ZRANB3: variants seen among roughly 807,000 people sequenced by gnomAD.
ZRANB3 encodes the protein DNA annealing helicase and endonuclease ZRANB3.
ZRANB3 carries 125 observed loss-of-function variants against 133.8 expected under a neutral mutation model. The observed-to-expected ratio is 0.93, with a 90% CI of 0.81 to 1.08. The LOEUF (loss-of-function observed/expected upper bound fraction) is 1.08. Among genes scored for constraint, ZRANB3 ranks in the 50% least tolerant of loss-of-function variants. The probability of loss-of-function intolerance (pLI) is 0.00; values close to 1 mark genes in which losing one functional copy is unlikely to be tolerated. For missense variants in ZRANB3, 1,229 were observed against 1,275.5 expected (o/e 0.96, Z 0.56); for synonymous variants, 387 against 432.7 (o/e 0.89, Z 1.31).
intron 8 of ZRANB3, among the ~76,000 whole-genome samples, chr2:135,281,623 C>T (rs939115640): frequency 6.6e-6 from 1 of 152,148 alleles, no homozygotes; most frequent in African/African-American, 2.4e-5. Context: ...TGAGGGCAAG[C>T]AGTGAACTGG....
At chr2:135,237,833 CTAA>C (rs1397700857) in intron 12 of ZRANB3, among the ~76,000 whole-genome samples, 9 of 152,128 alleles carry the variant, frequency 5.9e-5, no homozygotes, top group African/African-American at 2.2e-4. Context: ...GGAGATATAC[CTAA>C]TGTTAAATGA....
At chr2:135,329,410 TG>T (rs1019626172) in intron 6 of ZRANB3, among the ~76,000 whole-genome samples, 7 of 152,200 alleles carry the variant, frequency 4.6e-5, no homozygotes, top group African/African-American at 1.4e-4. Context: ...TCTGTTCTAT[TG>T]CTCAATATAT....
At chr2:135,370,942 C>G (rs1267372927) in intron 3 of ZRANB3, among the ~76,000 whole-genome samples, 1 of 152,208 alleles carries the variant, frequency 6.6e-6, no homozygotes, top group Non-Finnish European at 1.5e-5. Context: ...CCCCTGCTTG[C>G]ACTCATTCTC....
intron 1 of ZRANB3, among the ~76,000 whole-genome samples, chr2:135,518,959 T>C (rs1693809388): frequency 6.6e-6 from 1 of 152,192 alleles, no homozygotes; most frequent in Non-Finnish European, 1.5e-5. Context: ...TTGGAGCTGA[T>C]TGTTGGACAG....
intron 2 of ZRANB3, among the ~76,000 whole-genome samples, chr2:135,481,085 G>A (rs1240991004): frequency 1.3e-5 from 2 of 152,044 alleles, no homozygotes; most frequent in Non-Finnish European, 2.9e-5. Context: ...ACGTGAGCAT[G>A]TGTCTTTATA....
chr2:135,492,908 C>T (rs1692456647), intron 2 of ZRANB3, among the ~76,000 whole-genome samples: 2 of 151,014 alleles, frequency 1.3e-5, no homozygotes, highest in African/African-American at 4.9e-5. Flanking sequence ...GATCCAGTGG[C>T]AAAAGGAAAC....
chr2:135,212,783 T>G (rs1235872540), intron 17 of ZRANB3, among the ~76,000 whole-genome samples: 3 of 152,158 alleles, frequency 2.0e-5, no homozygotes, highest in African/African-American at 7.2e-5. Flanking sequence ...AAGTGTACGT[T>G]GCAAAGTGGC....
intron 2 of ZRANB3, among the ~76,000 whole-genome samples, chr2:135,442,111 A>G (rs1283034617): frequency 1.3e-5 from 2 of 152,216 alleles, no homozygotes; most frequent in Non-Finnish European, 2.9e-5. Context: ...AACCTAGGCA[A>G]TACCATTCAG....
chr2:135,216,876 A>G (rs1694332836), intron 17 of ZRANB3, among the ~76,000 whole-genome samples: 1 of 152,238 alleles, frequency 6.6e-6, no homozygotes, highest in African/African-American at 2.4e-5. Context: ...TGAGTGGGAT[A>G]AAGATGATTG....
intron 14 of ZRANB3, among the ~76,000 whole-genome samples, chr2:135,226,056 G>C (rs951335368): frequency 4.6e-5 from 7 of 152,232 alleles, no homozygotes; most frequent in African/African-American, 1.7e-4. Context: ...TTAAGGTATT[G>C]TGTCATAGCT....
chr2:135,243,436 G>C (rs1695636602), intron 12 of ZRANB3, among the ~76,000 whole-genome samples: 1 of 152,172 alleles, frequency 6.6e-6, no homozygotes, highest in Non-Finnish European at 1.5e-5. Context: ...CCGGCAGGCA[G>C]AGGTTGCAGT....
Position 135,208,988 on chromosome 2 carries a change from T to G in ZRANB3, c.2496-10A>C. 4 of 1,609,738 alleles carry G rather than the reference T, an allele frequency of 2.5e-6. No homozygotes were observed. The highest frequency in any genetic ancestry group is 3.4e-6 in the Non-Finnish European group (4 of 1,176,016). On this transcript the variant is annotated splice_polypyrimidine_tract_variant and intron_variant, in intron 17 of 20. Coordinates refer to ENST00000264159, the MANE Select transcript of ZRANB3 (RefSeq NM_032143.4). ...TTCTTTGGTTATGTATCTAAAACAA[T>G]GATATGTTAAATAGATTCCCTCTAT... is the stretch of plus-strand genomic sequence containing the variant.
chr2:135,232,743 A>G (rs181941664), intron 12 of ZRANB3, among the ~76,000 whole-genome samples: 58 of 152,344 alleles, frequency 3.8e-4, no homozygotes, highest in African/African-American at 1.4e-3. Flanking sequence ...CCTGACTGTT[A>G]GAAGGAAAAC....
chr2:135,408,417 C>T (rs1024756148), intron 2 of ZRANB3, among the ~76,000 whole-genome samples: 3 of 152,140 alleles, frequency 2.0e-5, no homozygotes, highest in African/African-American at 4.8e-5. Context: ...ATCAGCGTGG[C>T]GATTCCTAAG....
intron 6 of ZRANB3, among the ~76,000 whole-genome samples, chr2:135,332,188 T>C (rs35814399): frequency 0.062 from 9,427 of 152,226 alleles, 572 homozygotes; most frequent in African/African-American, 0.16. Context: ...TTTATTGTTA[T>C]AGTGCTTAAT....
chr2:135,315,846 T>C (rs1683223495), intron 6 of ZRANB3, among the ~76,000 whole-genome samples: 1 of 152,162 alleles, frequency 6.6e-6, no homozygotes, highest in Admixed American at 6.5e-5. Context: ...GCATTTTGAG[T>C]GGGCTCACAC....
chr2:135,482,264 C>G (rs1421230450), intron 2 of ZRANB3, among the ~76,000 whole-genome samples: 24 of 134,772 alleles, frequency 1.8e-4, no homozygotes, highest in South Asian at 1.5e-3. Flanking sequence ...AATGTTCTTC[C>G]ATTTGTTTGT....
At position 135,197,073 on chromosome 2, in the gene ZRANB3, C is replaced by A. The variant is rs1308125040; in HGVS notation, c.*3269G>T. 6.6e-6 allele frequency: 1 copy of A among 152,160 alleles called. No individual in the cohort carries two copies. The highest frequency in any genetic ancestry group is 1.5e-5 in the Non-Finnish European group (1 of 68,036). 9.4% of individuals were successfully genotyped at this position (152,160 alleles called of 1,614,324 possible). A position where few individuals can be genotyped will look rare whatever the true frequency, so the allele number is the denominator to read the frequency against. ...ACCCTTAACGATATAAAGCAACTGA[C>A]AAACTTGAGATGGGATAAACCCTTT... On this transcript the variant is annotated 3_prime_UTR_variant, in exon 21 of 21. Coordinates refer to ENST00000264159, the MANE Select transcript of ZRANB3 (RefSeq NM_032143.4).
chr2:135,444,854 T>C (rs1399195150), intron 2 of ZRANB3, among the ~76,000 whole-genome samples: 2 of 151,934 alleles, frequency 1.3e-5, no homozygotes, highest in Admixed American at 6.6e-5. Flanking sequence ...GCGGGGAGGG[T>C]ACAATCAAAA....
Sources: gnomAD v4.1 joint callset for allele counts (sites outside exome capture counted in the v4.1 genomes callset) on GRCh38, gnomAD v4.1.1 for gene constraint, MANE v1.5 for transcripts, NCBI Gene and HGNC (gene_info 2026-07-23, HGNC 2026-07-21) for gene names.